CLPB: variants seen among roughly 807,000 people sequenced by gnomAD.
CLPB encodes the protein mitochondrial disaggregase.
Under a neutral mutation model 78.4 loss-of-function variants are expected in CLPB, and 40 were observed. That is an observed-to-expected ratio of 0.51 (90% CI 0.40 to 0.66). CLPB has a LOEUF of 0.66. Ranked by LOEUF, CLPB falls within the 30% of genes least tolerant of loss-of-function variation. The pLI is 0.00. For missense variants in CLPB, 780 were observed against 886.9 expected, an observed-to-expected ratio of 0.88 and a Z score of 1.53; for synonymous variants, 333 against 348.0, an observed-to-expected ratio of 0.96 and a Z score of 0.48.
intron 3 of CLPB, among the ~76,000 whole-genome samples, chr11:72,383,407 T>C (rs1854977119): frequency 6.6e-6 from 1 of 151,128 alleles, no homozygotes; most frequent in Non-Finnish European, 1.5e-5. Flanking sequence ...GGCGGGCGCC[T>C]GTAGTCCCAG....
intron 1 of CLPB, among the ~76,000 whole-genome samples, chr11:72,433,268 T>G (rs1179823321): frequency 6.6e-6 from 1 of 152,062 alleles, no homozygotes. Flanking sequence ...ACTATATAAA[T>G]AAAGAAATTG....
chr11:72,306,019 C>T (rs1437299979), intron 9 of CLPB, among the ~76,000 whole-genome samples: 1 of 152,186 alleles, frequency 6.6e-6, no homozygotes, highest in African/African-American at 2.4e-5. Context: ...TTCCAGAGTG[C>T]TAATTGTTTC....
Position 72,297,636 on chromosome 11 carries a change from GGTGTGTGTGTGTGTGTGTGTGTGT to G in CLPB, c.1330-2012_1330-1989del, listed in dbSNP as rs67807556. On this transcript the variant is annotated intron_variant, in intron 11 of 15. Transcript: ENST00000538039. ...AGGGCAGTTCTAGTTTTGGGGACCA[GGTGTGTGTGTGTGTGTGTGTGTGT>G]GTGTGTGTGTGTGTGTGTGTGTGTG... Among the ~76,000 whole-genome samples the G allele has an allele frequency of 6.8e-3, 632 of 93,466 alleles. 6 individuals are homozygous for G. Among genetic ancestry groups the G allele is most frequent in the South Asian group, 0.019 (40 of 2,068 alleles). The allele number at this position is 93,466 out of a possible 152,430, so 61.3% of individuals were successfully genotyped here.
intron 3 of CLPB, among the ~76,000 whole-genome samples, chr11:72,381,867 C>A (rs936817913): frequency 1.3e-5 from 2 of 152,136 alleles, no homozygotes; most frequent in African/African-American, 4.8e-5. Context: ...GTCCCTGCGG[C>A]CCCACACTCC....
intron 1 of CLPB, among the ~76,000 whole-genome samples, chr11:72,431,164 C>A (rs1282360388): frequency 6.6e-6 from 1 of 152,194 alleles, no homozygotes; most frequent in African/African-American, 2.4e-5. Flanking sequence ...GTTGCCACCA[C>A]CTTGTGGCCA....
At chr11:72,317,580 T>C (rs1014889112) in intron 6 of CLPB, among the ~76,000 whole-genome samples, 3 of 152,228 alleles carry the variant, frequency 2.0e-5, no homozygotes, top group African/African-American at 7.2e-5. Context: ...GGATTAAATA[T>C]TAATATGATG....
At chr11:72,428,320 C>G (rs1300442619) in intron 2 of CLPB, among the ~76,000 whole-genome samples, 1 of 152,202 alleles carries the variant, frequency 6.6e-6, no homozygotes, top group Non-Finnish European at 1.5e-5. Context: ...CTTCACTCCT[C>G]TGCAAGTCAG....
rs199756462 is a variant in CLPB at position 72,329,638 on chromosome 11, A to AATC, written c.873+68_873+69insGAT. 2,391 of 1,024,624 alleles carry AATC rather than the reference A, an allele frequency of 2.3e-3. 42 individuals are homozygous for AATC. In the African/African-American group the frequency reaches 0.035, roughly 15 times the overall value. The allele number at this position is 1,024,624 out of a possible 1,614,324, so 63.5% of individuals were successfully genotyped here. ...TGGCCTTTGGTGTAAAGCCTGACAT[A>AATC]ATTTAATGAGTGAAGGATTAAATGA... On this transcript the variant is annotated intron_variant, in intron 6 of 15. Transcript: ENST00000538039.
chr11:72,418,962 G>A (rs1454365861), intron 2 of CLPB, among the ~76,000 whole-genome samples: 1 of 152,134 alleles, frequency 6.6e-6, no homozygotes, highest in Non-Finnish European at 1.5e-5. Context: ...TTTGGGCCTA[G>A]GGCTCTTGCT....
At chr11:72,421,394 G>A (rs1856193579) in intron 2 of CLPB, among the ~76,000 whole-genome samples, 1 of 152,132 alleles carries the variant, frequency 6.6e-6, no homozygotes, top group South Asian at 2.1e-4. Flanking sequence ...GAGCACTGGT[G>A]TCCCTCCACT....
intron 2 of CLPB, among the ~76,000 whole-genome samples, chr11:72,408,666 CAAA>C (rs576990524): frequency 0.099 from 6,337 of 64,090 alleles, 150 homozygotes; most frequent in African/African-American, 0.14. Flanking sequence ...GACTCTGTCT[CAAA>C]AAAAAAAAAA....
At chr11:72,384,385 G>A (rs1434285000) in intron 3 of CLPB, among the ~76,000 whole-genome samples, 2 of 151,978 alleles carry the variant, frequency 1.3e-5, no homozygotes, top group Non-Finnish European at 2.9e-5. Context: ...GTTTGTGGCG[G>A]GTATGGAATA....
intron 7 of CLPB, among the ~76,000 whole-genome samples, chr11:72,311,254 G>A (rs533218224): frequency 1.3e-5 from 2 of 152,120 alleles, no homozygotes; most frequent in Non-Finnish European, 2.9e-5. Flanking sequence ...TGAGGATCCC[G>A]TCAGGCCAGA....
intron 6 of CLPB, among the ~76,000 whole-genome samples, chr11:72,325,656 A>T (rs1565439434): frequency 6.6e-6 from 1 of 152,228 alleles, no homozygotes; most frequent in African/African-American, 2.4e-5. Context: ...AATCACCAAT[A>T]ATATTAAGTG....
intron 4 of CLPB, among the ~76,000 whole-genome samples, chr11:72,370,412 T>C (rs1179149009): frequency 6.6e-6 from 1 of 152,190 alleles, no homozygotes; most frequent in Non-Finnish European, 1.5e-5. Flanking sequence ...CCAAAATGTA[T>C]CCTGGTAACT....
chr11:72,369,145 C>G (rs577157602), intron 4 of CLPB, among the ~76,000 whole-genome samples: 37 of 152,248 alleles, frequency 2.4e-4, no homozygotes, highest in African/African-American at 8.7e-4. Flanking sequence ...ACAGTCAGTG[C>G]GGCATCCTCT....
chr11:72,427,650 C>T (rs921444155), intron 2 of CLPB, among the ~76,000 whole-genome samples: 5 of 152,154 alleles, frequency 3.3e-5, no homozygotes, highest in Admixed American at 1.3e-4. Context: ...AGGGCAATAA[C>T]GTGCTATACA....
At chr11:72,299,892 G>C (rs796426176) in intron 11 of CLPB, among the ~76,000 whole-genome samples, 23 of 152,266 alleles carry the variant, frequency 1.5e-4, no homozygotes, top group African/African-American at 5.3e-4. Flanking sequence ...GACGGAGGAG[G>C]GGGAGACAGG....
intron 3 of CLPB, 122 bp from the exon 4 acceptor site, chr11:72,380,506 A>G (rs1854878125): frequency 9.7e-6 from 7 of 722,346 alleles, no homozygotes; most frequent in East Asian, 2.7e-5. Flanking sequence ...ATACGGTGGG[A>G]AAAAAACCAT....
Sources: gnomAD v4.1 joint callset for allele counts (sites outside exome capture counted in the v4.1 genomes callset) on GRCh38, gnomAD v4.1.1 for gene constraint, MANE v1.5 for transcripts, NCBI Gene and HGNC (gene_info 2026-07-23, HGNC 2026-07-21) for gene names.